TNFAIP2: variants seen among roughly 807,000 people sequenced by gnomAD.
TNFAIP2 encodes tumor necrosis factor alpha-induced protein 2.
TNFAIP2 carries 47 observed loss-of-function variants against 63.5 expected under a neutral mutation model. The ratio of observed to expected loss-of-function variants is 0.74; its 90% CI spans 0.59 to 0.94. The LOEUF (loss-of-function observed/expected upper bound fraction) is 0.94. Among genes scored for constraint, TNFAIP2 ranks in the 40% least tolerant of loss-of-function variants. The probability of loss-of-function intolerance (pLI) is 0.00; values close to 1 mark genes in which losing one functional copy is unlikely to be tolerated. For synonymous variants in TNFAIP2, 405 were observed against 390.2 expected, an observed-to-expected ratio of 1.04 and a Z score of -0.45; for missense variants, 787 against 850.2, an observed-to-expected ratio of 0.93 and a Z score of 0.92.
upstream of TNFAIP2, chr14:103,122,527 G>T (rs1891149556): frequency 2.6e-6 from 1 of 387,590 alleles, no homozygotes; most frequent in African/African-American, 2.1e-5. Context: ...AATAAGGAAG[G>T]AAGTGAATCT....
intron 2 of TNFAIP2, 93 bp from the exon 3 acceptor site, chr14:103,126,912 G>A (rs1205854205): frequency 1.4e-6 from 2 of 1,395,386 alleles, no homozygotes; most frequent in Non-Finnish European, 9.3e-7. Context: ...GGCCCTGTGC[G>A]CGTCTAGGGG....
chr14:103,123,198 C>T (rs1421071270), upstream of TNFAIP2, among the ~76,000 whole-genome samples: 1 of 151,884 alleles, frequency 6.6e-6, no homozygotes, highest in Admixed American at 6.6e-5. Context: ...CCGTGCCGTC[C>T]CCCGAACTCC....
At position 103,123,909 on chromosome 14, in the gene TNFAIP2, G is replaced by T. The variant is rs1054168911; in HGVS notation, c.-191G>T. The T allele has an allele frequency of 6.6e-6, 1 of 152,386 alleles. No homozygotes were observed. Among genetic ancestry groups the T allele is most frequent in the African/African-American group, 2.4e-5 (1 of 41,468 alleles). 9.4% of individuals were successfully genotyped at this position (152,386 alleles called of 1,614,324 possible). A position where few individuals can be genotyped will look rare whatever the true frequency, so the allele number is the denominator to read the frequency against. On this transcript the variant is annotated 5_prime_UTR_variant, in exon 1 of 12. Transcript: ENST00000560869. The stretch of plus-strand genomic sequence containing the variant: ...AAGGAGCCGGGCCCAGCGAGCTCCC[G>T]GGAGGTGTGTGGACATCAGCCCTGA...
Position 103,135,950 on chromosome 14 carries a change from C to T in TNFAIP2, c.*590C>T, listed in dbSNP as rs1221818221. 1.7e-5 allele frequency: 22 copies of T among 1,289,724 alleles called. No homozygotes were observed. Among genetic ancestry groups the T allele is most frequent in the Non-Finnish European group, 2.2e-5 (22 of 989,046 alleles). 79.9% of individuals were successfully genotyped at this position (1,289,724 alleles called of 1,614,324 possible). ...TGTGAGCACCGCCAGCATTAGACGT[C>T]ACATCCAGGTGGCCCCACGGCCCCT... On this transcript the variant is annotated 3_prime_UTR_variant, in exon 12 of 12. Coordinates refer to ENST00000560869, the MANE Select transcript of TNFAIP2 (RefSeq NM_006291.4). The surrounding 1 kb of genome is among the most constrained non-coding windows in gnomAD (Gnocchi z 7.6).
At chr14:103,134,521 CA>C (rs1325420570) in intron 11 of TNFAIP2, among the ~76,000 whole-genome samples, 1 of 143,284 alleles carries the variant, frequency 7.0e-6, no homozygotes, top group Non-Finnish European at 1.5e-5. Context: ...TGTAAGCACC[CA>C]TCCACCCATC....
Position 103,136,086 on chromosome 14 carries a change from CTCCTGGG to C in TNFAIP2, c.*731_*737del. 2 of 1,139,020 alleles carry C rather than the reference CTCCTGGG, an allele frequency of 1.8e-6. No homozygotes were observed. The highest frequency in any genetic ancestry group is 2.2e-6 in the Non-Finnish European group (2 of 891,780). The allele number at this position is 1,139,020 out of a possible 1,614,324, so 70.6% of individuals were successfully genotyped here. On this transcript the variant is annotated 3_prime_UTR_variant, in exon 12 of 12. Coordinates refer to ENST00000560869, the MANE Select transcript of TNFAIP2 (RefSeq NM_006291.4). ...TGTCTACTACCGAAGGGCCCAAGAC[CTCCTGGG>C]TCCTCTCAGGCTCCCCCTTCCCCAA...
chr14:103,122,055 C>T (rs2139537703), upstream of TNFAIP2, among the ~76,000 whole-genome samples: 1 of 152,256 alleles, frequency 6.6e-6, no homozygotes, highest in East Asian at 1.9e-4. Context: ...GTGGAAGGAC[C>T]CTCCCAGCCC....
intron 2 of TNFAIP2, 25 bp downstream of exon 2, chr14:103,126,717 C>A (rs1363985294): frequency 1.3e-6 from 2 of 1,554,432 alleles, no homozygotes; most frequent in Non-Finnish European, 1.7e-6. Context: ...TGGGTTAGAG[C>A]TAGTCTGGGG....
Position 103,126,345 on chromosome 14 carries a change from T to C in TNFAIP2, c.-113T>C. Reference sequence around the variant, plus strand: ...GCCTGAACCAGGGTGATGCTGAAGATGATGACCTTCTTCCAAGGCCTCTAG... The same window carrying C: ...GCCTGAACCAGGGTGATGCTGAAGACGATGACCTTCTTCCAAGGCCTCTAG... On this transcript the variant is annotated 5_prime_UTR_variant, in exon 2 of 12. It removes an upstream start codon present in the reference 5' UTR. Transcript: ENST00000560869. The C allele has an allele frequency of 1.4e-6, 1 of 726,798 alleles. No homozygotes were observed. 45.0% of individuals were successfully genotyped at this position (726,798 alleles called of 1,614,324 possible).
Position 103,136,302 on chromosome 14 carries a change from CG to C in TNFAIP2, c.*945del. ...ATCAAAACGAGGTCTTCCAGTTCTG[CG>C]GGTCAGAAGGCTGACCCGGGGCTCA... On this transcript the variant is annotated 3_prime_UTR_variant, in exon 12 of 12. Coordinates refer to ENST00000560869, the MANE Select transcript of TNFAIP2 (RefSeq NM_006291.4). 5.3e-6 allele frequency: 1 copy of C among 190,378 alleles called. No individual in the cohort carries two copies. The highest frequency in any genetic ancestry group is 1.1e-5 in the Non-Finnish European group (1 of 89,960). 11.8% of individuals were successfully genotyped at this position (190,378 alleles called of 1,614,324 possible).
chr14:103,135,282 C>T lies in TNFAIP2; in HGVS notation c.1887C>T (p.Arg629=), dbSNP rs540592078. ...ACCTATCCAACAGTGAGGTCAAGCG[C>T]ATCCGGAGCATCTTGGACGTCAGCA... ...KGNLSNSEVK[R]IRSILDVSMG... is the part of the protein sequence containing the mutation. Residue 629 remains arginine (R), a synonymous_variant, in exon 12 of 12, where the codon CGC becomes CGT. Coordinates refer to ENST00000560869, the MANE Select transcript of TNFAIP2 (RefSeq NM_006291.4). The surrounding 1 kb of genome is among the most constrained non-coding windows in gnomAD (Gnocchi z 7.6). 3 of 1,614,020 alleles carry T rather than the reference C, an allele frequency of 1.9e-6. No homozygotes were observed. The highest frequency in any genetic ancestry group is 1.1e-5 in the South Asian group (1 of 91,086).
chr14:103,130,918 A>G, intron 6 of TNFAIP2, 134 bp from the exon 7 acceptor site: 1 of 820,242 alleles, frequency 1.2e-6, no homozygotes, highest in South Asian at 1.6e-5. Context: ...CCCAGGGGCT[A>G]GCGGCCCCTC....
chr14:103,122,342 T>C (rs78729611), upstream of TNFAIP2, among the ~76,000 whole-genome samples: 4,957 of 152,190 alleles, frequency 0.033, 100 homozygotes, highest in African/African-American at 0.053. Flanking sequence ...CTGGAAGACC[T>C]GTTACTAGGC....
Position 103,127,239 on chromosome 14 carries a change from T to C in TNFAIP2, c.470T>C (p.Val157Ala). Residue 157 changes from valine (V) to alanine (A), a missense_variant, in exon 3 of 12, where the codon GTG becomes GCG. Physicochemically the swap from Val to Ala is moderately conservative, Grantham distance 64. Coordinates refer to ENST00000560869, the MANE Select transcript of TNFAIP2 (RefSeq NM_006291.4). The surrounding 1 kb of genome is among the most constrained non-coding windows in gnomAD (Gnocchi z 5.1). ...PPERLRQALA[V>A]VAEQEREDRQ... Reference sequence around the variant, plus strand: ...GAGCGGCTGCGCCAGGCGCTGGCCGTGGTGGCGGAGCAGGAGCGCGAGGAC... The same window carrying C: ...GAGCGGCTGCGCCAGGCGCTGGCCGCGGTGGCGGAGCAGGAGCGCGAGGAC... 1 of 1,070,882 alleles carries C rather than the reference T, an allele frequency of 9.3e-7. No homozygotes were observed. Among genetic ancestry groups the C allele is most frequent in the Non-Finnish European group, 1.1e-6 (1 of 884,522 alleles). 66.3% of individuals were successfully genotyped at this position (1,070,882 alleles called of 1,614,324 possible).
upstream of TNFAIP2, among the ~76,000 whole-genome samples, chr14:103,122,153 C>T (rs933508079): frequency 6.6e-6 from 1 of 152,306 alleles, no homozygotes; most frequent in South Asian, 2.1e-4. Context: ...GCCTTAACGC[C>T]CCATCCTGCA....
upstream of TNFAIP2, chr14:103,122,525 A>C: frequency 2.6e-6 from 1 of 385,532 alleles, no homozygotes; most frequent in South Asian, 1.8e-5. Context: ...GAAATAAGGA[A>C]GGAAGTGAAT....
In TNFAIP2 at chr14:103,131,558, G is replaced by T; in HGVS notation, c.1299-81G>T. The T allele has an allele frequency of 6.7e-7, 1 of 1,482,608 alleles. No homozygotes were observed. The allele number at this position is 1,482,608 out of a possible 1,614,324, so 91.8% of individuals were successfully genotyped here. ...GAGCCATTGAGGGTTCTAGAGTGAA[G>T]AGAGGGGGCTGTCTGGCTCCCTGGG... On this transcript the variant is annotated intron_variant, in intron 7 of 11. Transcript: ENST00000560869. This position sits in a 1 kb window ranked among gnomAD's most constrained non-coding sequence, Gnocchi z 4.0.
At chr14:103,121,967 A>G (rs991994382), upstream of TNFAIP2, among the ~76,000 whole-genome samples, 3 of 152,130 alleles carry the variant, frequency 2.0e-5, no homozygotes, top group Admixed American at 1.3e-4. Context: ...GCCAGCCGTG[A>G]AGGCAGCCAC....
In TNFAIP2 at chr14:103,137,158, G is replaced by T. The variant is rs4283165; in HGVS notation, c.*1798G>T. The T allele has an allele frequency of 1.3e-5, 2 of 151,788 alleles. No homozygotes were observed. Among genetic ancestry groups the T allele is most frequent in the African/African-American group, 4.8e-5 (2 of 41,322 alleles). 9.4% of individuals were successfully genotyped at this position (151,788 alleles called of 1,614,324 possible). A position where few individuals can be genotyped will look rare whatever the true frequency, so the allele number is the denominator to read the frequency against. ...TCTCAGCCTGAGAGGGGGCCCTTCG[G>T]ACTCAGGCATGACTCAGCCCGGCTG... On this transcript the variant is annotated 3_prime_UTR_variant, in exon 12 of 12. Coordinates refer to ENST00000560869, the MANE Select transcript of TNFAIP2 (RefSeq NM_006291.4).
Sources: gnomAD v4.1 joint callset for allele counts (sites outside exome capture counted in the v4.1 genomes callset) on GRCh38, gnomAD v4.1.1 for gene constraint, Gnocchi (gnomAD v3.1) non-coding constraint, MANE v1.5 for transcripts, NCBI Gene and HGNC (gene_info 2026-07-23, HGNC 2026-07-21) for gene names.